The following DLGAP2 variants were observed in gnomAD, a reference collection of about 807,000 sequenced individuals.
DLGAP2 encodes disks large-associated protein 2.
DLGAP2 carries 26 observed loss-of-function variants against 100.3 expected under a neutral mutation model. The observed-to-expected ratio is 0.26, with a 90% CI of 0.19 to 0.36. The LOEUF (loss-of-function observed/expected upper bound fraction) is 0.36. Ranked by LOEUF, DLGAP2 falls within the 10% of genes least tolerant of loss-of-function variation. DLGAP2 has a pLI of 1.00. For synonymous variants in DLGAP2, 886 were observed against 630.1 expected (o/e 1.41, Z -6.08); for missense variants, 1,858 against 1,453.2 (o/e 1.28, Z -4.53).
intron 1 of DLGAP2, among the ~76,000 whole-genome samples, chr8:748,570 G>C (rs1017259150): frequency 3.9e-5 from 6 of 152,196 alleles, no homozygotes; most frequent in African/African-American, 1.4e-4. Flanking sequence ...GGAGCCGAGA[G>C]ATAGAATATC....
chr8:1,273,555 C>G (rs989455217), intron 3 of DLGAP2, among the ~76,000 whole-genome samples: 4 of 152,208 alleles, frequency 2.6e-5, no homozygotes, highest in Non-Finnish European at 4.4e-5. Context: ...ACGTCCTGCT[C>G]TGCTGCTTCA....
At chr8:811,123 T>G (rs1002479353) in intron 1 of DLGAP2, among the ~76,000 whole-genome samples, 2 of 152,232 alleles carry the variant, frequency 1.3e-5, no homozygotes, top group African/African-American at 4.8e-5. Flanking sequence ...TGGTGCAGCC[T>G]GGGTGTGCTG....
At chr8:1,363,028 C>T (rs936152017) in intron 3 of DLGAP2, among the ~76,000 whole-genome samples, 2 of 152,220 alleles carry the variant, frequency 1.3e-5, no homozygotes, top group Non-Finnish European at 2.9e-5. Flanking sequence ...CAGGCCTGAG[C>T]CACCAGATCC....
intron 10 of DLGAP2, among the ~76,000 whole-genome samples, chr8:1,671,782 C>A (rs1456646419): frequency 6.6e-6 from 1 of 152,186 alleles, no homozygotes; most frequent in Non-Finnish European, 1.5e-5. Context: ...CTGAGTCTGG[C>A]CCTTACAGCA....
intron 3 of DLGAP2, among the ~76,000 whole-genome samples, chr8:1,285,125 G>A (rs942029044): frequency 3.3e-5 from 5 of 151,984 alleles, no homozygotes; most frequent in Admixed American, 2.0e-4. Flanking sequence ...TGAATTCCAC[G>A]TGGCTGGAAT....
intron 2 of DLGAP2, among the ~76,000 whole-genome samples, chr8:1,252,422 C>A (rs948773621): frequency 6.6e-6 from 1 of 152,092 alleles, no homozygotes; most frequent in African/African-American, 2.4e-5. Flanking sequence ...GTGTCACAGT[C>A]ATGTCATGCC....
chr8:1,028,137 G>T (rs1178307971), intron 2 of DLGAP2, among the ~76,000 whole-genome samples: 1 of 137,470 alleles, frequency 7.3e-6, no homozygotes, highest in Non-Finnish European at 1.6e-5. Context: ...GGTGTCACGC[G>T]CCCGTTATTC....
chr8:906,695 C>A (rs968771090), intron 1 of DLGAP2, among the ~76,000 whole-genome samples: 2 of 152,196 alleles, frequency 1.3e-5, no homozygotes, highest in Non-Finnish European at 2.9e-5. Context: ...TATCACAAGG[C>A]TTAGCGCCTC....
chr8:1,306,197 C>A (rs894300202), intron 3 of DLGAP2, among the ~76,000 whole-genome samples: 3 of 151,834 alleles, frequency 2.0e-5, no homozygotes, highest in Admixed American at 6.6e-5. Flanking sequence ...GATTCCCCCC[C>A]ACCCACACAC....
At chr8:1,529,742 C>T (rs892947407) in intron 4 of DLGAP2, among the ~76,000 whole-genome samples, 4 of 152,222 alleles carry the variant, frequency 2.6e-5, no homozygotes, top group South Asian at 2.1e-4. Context: ...CCGATATTCA[C>T]GTAGGTTCTT....
intron 2 of DLGAP2, among the ~76,000 whole-genome samples, chr8:985,930 A>T (rs946091369): frequency 3.9e-5 from 6 of 152,134 alleles, no homozygotes; most frequent in African/African-American, 1.4e-4. Flanking sequence ...CCCTCCCTGA[A>T]GATGCTCTTG....
In DLGAP2 at chr8:1,628,632, A is replaced by G. The variant is rs1397469139; in HGVS notation, c.1590+1745A>G. Among the ~76,000 whole-genome samples the G allele has an allele frequency of 4.1e-5, 6 of 147,746 alleles. No individual in the cohort carries two copies. The South Asian group carries it at 6.8e-4, about 17-fold the overall frequency. On this transcript the variant is annotated intron_variant, in intron 7 of 14. Coordinates refer to ENST00000637795, the MANE Select transcript of DLGAP2 (RefSeq NM_001346810.2). ...GAGCAGGAATTAAGAGCTTGAGCCG[A>G]CCTCACATTCTGTCTGACTTACTGT... is the stretch of plus-strand genomic sequence containing the variant.
intron 2 of DLGAP2, among the ~76,000 whole-genome samples, chr8:928,267 C>A (rs1324382980): frequency 6.6e-6 from 1 of 152,144 alleles, no homozygotes; most frequent in Non-Finnish European, 1.5e-5. Flanking sequence ...CACTAGGTGT[C>A]CTGGACACGG....
intron 1 of DLGAP2, among the ~76,000 whole-genome samples, chr8:766,595 A>G (rs1318541068): frequency 6.6e-6 from 1 of 152,172 alleles, no homozygotes; most frequent in Non-Finnish European, 1.5e-5. Context: ...TTCCACCAGC[A>G]TTTCTCTCTG....
At chr8:1,662,129 C>T (rs1357012548) in intron 8 of DLGAP2, among the ~76,000 whole-genome samples, 4 of 152,360 alleles carry the variant, frequency 2.6e-5, no homozygotes, top group African/African-American at 9.6e-5. Context: ...GGGTCCCACA[C>T]ACCTTTCCTA....
chr8:1,572,539 G>A (rs1802769994), intron 6 of DLGAP2, among the ~76,000 whole-genome samples: 1 of 139,316 alleles, frequency 7.2e-6, no homozygotes, highest in Non-Finnish European at 1.6e-5. Context: ...TGAACTGTGG[G>A]GGCGTCTGAT....
intron 8 of DLGAP2, among the ~76,000 whole-genome samples, chr8:1,649,514 C>A (rs917581983): frequency 6.6e-6 from 1 of 152,006 alleles, no homozygotes; most frequent in East Asian, 1.9e-4. Context: ...TTTCAAACAC[C>A]AAAAATGCAG....
At chr8:1,095,902 C>A (rs768521222) in intron 2 of DLGAP2, among the ~76,000 whole-genome samples, 4 of 152,174 alleles carry the variant, frequency 2.6e-5, no homozygotes, top group Non-Finnish European at 5.9e-5. Flanking sequence ...AATGCATGCT[C>A]TTCCCTAGAG....
chr8:1,500,439 CT>C (rs1799682514), intron 3 of DLGAP2, among the ~76,000 whole-genome samples: 1 of 152,230 alleles, frequency 6.6e-6, no homozygotes, highest in South Asian at 2.1e-4. Context: ...CCAAGGCAGC[CT>C]GGAGAGTCGG....
Sources: allele counts gnomAD v4.1 joint callset (sites outside exome capture counted in the v4.1 genomes callset), GRCh38; gene constraint gnomAD v4.1.1; transcripts MANE v1.5; gene names NCBI Gene and HGNC (gene_info 2026-07-23, HGNC 2026-07-21).